Variants in PCDHGB3 observed in about 807,000 individuals in gnomAD.
PCDHGB3 encodes protocadherin gamma-B3.
PCDHGB3 carries 40 observed loss-of-function variants against 59.2 expected under a neutral mutation model. The observed-to-expected ratio is 0.68, with a 90% CI of 0.52 to 0.88. PCDHGB3 has a LOEUF of 0.88. Ranked by LOEUF, PCDHGB3 falls within the 40% of genes least tolerant of loss-of-function variation. PCDHGB3 has a pLI of 0.00. For synonymous variants in PCDHGB3, 581 were observed against 503.6 expected (o/e 1.15, Z -2.06); for missense variants, 1,309 against 1,187.9 (o/e 1.10, Z -1.50).
intron 1 of PCDHGB3, chr5:141,441,943 C>CT: frequency 1.2e-5 from 4 of 336,004 alleles, no homozygotes; most frequent in South Asian, 1.1e-4. Flanking sequence ...CTACCACGTG[C>CT]TGCAGGCCAG....
In PCDHGB3 at chr5:141,371,329, G is replaced by A; in HGVS notation, c.935G>A (p.Arg312Lys). Residue 312 changes from arginine to lysine, a missense_variant, in exon 1 of 4, where the codon AGA (arginine) becomes AAA (lysine). Transcript: ENST00000576222. ...TTIGELDFEE[R>K]DSYTIGVEAK... Reference sequence around the variant, plus strand: ...ATTGGAGAACTGGACTTTGAAGAGAGAGATAGCTACACAATTGGGGTGGAA... The same window carrying A: ...ATTGGAGAACTGGACTTTGAAGAGAAAGATAGCTACACAATTGGGGTGGAA... The A allele has an allele frequency of 6.2e-7, 1 of 1,613,968 alleles. No individual in the cohort carries two copies. Among genetic ancestry groups the A allele is most frequent in the Non-Finnish European group, 8.5e-7 (1 of 1,179,882 alleles).
chr5:141,408,133 T>A, intron 1 of PCDHGB3: 5 of 1,483,848 alleles, frequency 3.4e-6, no homozygotes, highest in Non-Finnish European at 4.5e-6. Context: ...GGCCGAATGC[T>A]CTTTTAGCGC....
At chr5:141,395,896 A>C (rs1229120477) in intron 1 of PCDHGB3, 2 of 152,188 alleles carry the variant, frequency 1.3e-5, no homozygotes, top group Admixed American at 6.5e-5. Flanking sequence ...CCTGGGCTCC[A>C]TGCCCATGGA....
chr5:141,410,104 C>G, intron 1 of PCDHGB3: 1 of 1,612,582 alleles, frequency 6.2e-7, no homozygotes, highest in Non-Finnish European at 8.5e-7. Context: ...CCTTAGGCGA[C>G]AGGGACGCAG....
chr5:141,393,071 C>T (rs927273885), intron 1 of PCDHGB3: 3 of 1,613,680 alleles, frequency 1.9e-6, no homozygotes, highest in Non-Finnish European at 2.5e-6. Context: ...GCTTGATCAC[C>T]GCGGGCAGGA....
At chr5:141,419,204 G>A (rs1291977951) in intron 1 of PCDHGB3, 1 of 1,613,798 alleles carries the variant, frequency 6.2e-7, no homozygotes, top group Non-Finnish European at 8.5e-7. Flanking sequence ...CAATGACAAC[G>A]CGCCGGTTTT....
intron 1 of PCDHGB3, chr5:141,403,093 C>T (rs1368239890): frequency 6.2e-7 from 1 of 1,614,072 alleles, no homozygotes; most frequent in Non-Finnish European, 8.5e-7. Flanking sequence ...TTGTGGGCAA[C>T]ATCTCCAAGG....
chr5:141,433,547 C>G (rs2097621028), intron 1 of PCDHGB3, among the ~76,000 whole-genome samples: 1 of 152,086 alleles, frequency 6.6e-6, no homozygotes, highest in South Asian at 2.1e-4. Context: ...ATCAGATATT[C>G]TTTTCTGGCT....
rs776854254 is a variant in PCDHGB3 at position 141,487,285 on chromosome 5, C to T, written c.2416-7522C>T. On this transcript the variant is annotated intron_variant, in intron 1 of 3. Coordinates refer to ENST00000576222, the MANE Select transcript of PCDHGB3 (RefSeq NM_018924.5). This position sits in a 1 kb window ranked among gnomAD's most constrained non-coding sequence, Gnocchi z 5.0. The stretch of plus-strand genomic sequence containing the variant: ...CCCTAGTGGCAATTTGCTTTGTCTC[C>T]TTTGGCTCATTCGTGGCACTACTCT... 8 of 1,614,148 alleles carry T rather than the reference C, an allele frequency of 5.0e-6. No homozygotes were observed. The highest frequency in any genetic ancestry group is 6.8e-6 in the Non-Finnish European group (8 of 1,180,036).
At chr5:141,449,251 A>T (rs918418872) in intron 1 of PCDHGB3, among the ~76,000 whole-genome samples, 10 of 152,256 alleles carry the variant, frequency 6.6e-5, no homozygotes, top group Middle Eastern at 3.4e-3. Flanking sequence ...AGTTGCAAGA[A>T]TTGTACAAAG....
chr5:141,399,314 A>G, intron 1 of PCDHGB3: 1 of 1,613,988 alleles, frequency 6.2e-7, no homozygotes, highest in African/African-American at 1.3e-5. Flanking sequence ...TCATCCAAAA[A>G]TTCGTATAAG....
intron 1 of PCDHGB3, chr5:141,409,464 C>G (rs1185218827): frequency 1.9e-6 from 3 of 1,613,940 alleles, no homozygotes; most frequent in Non-Finnish European, 1.7e-6. Context: ...TACAATGTCA[C>G]CATCGTAGCC....
chr5:141,423,456 C>T, intron 1 of PCDHGB3: 1 of 1,613,924 alleles, frequency 6.2e-7, no homozygotes, highest in Non-Finnish European at 8.5e-7. Context: ...ATTTTGTAGG[C>T]GTGGACGGGG....
chr5:141,376,169 G>A (rs779538880), intron 1 of PCDHGB3: 6 of 1,614,106 alleles, frequency 3.7e-6, no homozygotes, highest in African/African-American at 2.7e-5. Context: ...CCTGGTGGTG[G>A]CGGTGGCCGC....
At chr5:141,403,552 G>T (rs1228068556) in intron 1 of PCDHGB3, 5 of 1,613,892 alleles carry the variant, frequency 3.1e-6, no homozygotes, top group Non-Finnish European at 4.2e-6. Context: ...AGCGCGCCCT[G>T]GACAGGGAGG....
At chr5:141,405,179 G>A (rs2094620573) in intron 1 of PCDHGB3, 1 of 1,614,028 alleles carries the variant, frequency 6.2e-7, no homozygotes, top group South Asian at 1.1e-5. Context: ...CTTTGTGGGT[G>A]TAGATGGGGT....
rs1330463387 is a variant in PCDHGB3, at chr5:141,393,177, G to C, written c.2415+20368G>C. ...AGGAAAACTCTTTGGGGTAGAAATA[G>C]AAATAATTGATATTAACGATAATAA... On this transcript the variant is annotated intron_variant, in intron 1 of 3. Transcript: ENST00000576222. The C allele has an allele frequency of 1.2e-6, 2 of 1,613,174 alleles. No individual in the cohort carries two copies. Among genetic ancestry groups the C allele is most frequent in the Non-Finnish European group, 1.7e-6 (2 of 1,179,896 alleles).
intron 1 of PCDHGB3, among the ~76,000 whole-genome samples, chr5:141,452,356 C>G (rs1008914676): frequency 6.6e-6 from 1 of 152,148 alleles, no homozygotes; most frequent in African/African-American, 2.4e-5. Flanking sequence ...ATCCAAAAGC[C>G]TTGCTTCATT....
Position 141,415,142 on chromosome 5 carries a change from C to A in PCDHGB3, c.2415+42333C>A, listed in dbSNP as rs757516335. On this transcript the variant is annotated intron_variant, in intron 1 of 3. Coordinates refer to ENST00000576222, the MANE Select transcript of PCDHGB3 (RefSeq NM_018924.5). The stretch of plus-strand genomic sequence containing the variant: ...GTGGCCGTCCAGGACCACGGCCAGC[C>A]CCCTCTCTCCGCCACTGTCACGCTC... 10 of 1,613,732 alleles carry A rather than the reference C, an allele frequency of 6.2e-6. 1 individual carries two copies. In the South Asian group the frequency reaches 1.1e-4, roughly 18 times the overall value.
Sources: gnomAD v4.1 joint callset for allele counts (sites outside exome capture counted in the v4.1 genomes callset) on GRCh38, gnomAD v4.1.1 for gene constraint, Gnocchi (gnomAD v3.1) non-coding constraint, MANE v1.5 for transcripts, NCBI Gene and HGNC (gene_info 2026-07-23, HGNC 2026-07-21) for gene names.